The following PRKG1 variants were observed in gnomAD, a reference collection of about 807,000 sequenced individuals.
PRKG1 encodes the protein protein kinase cGMP-dependent 1, also known as cGMP-dependent protein kinase 1.
In PRKG1, 35 loss-of-function variants were observed where a neutral mutation model predicts 88.1. The ratio of observed to expected loss-of-function variants is 0.40; its 90% CI spans 0.30 to 0.53. PRKG1 has a LOEUF of 0.53. Among genes scored for constraint, PRKG1 ranks in the 20% least tolerant of loss-of-function variants. PRKG1 has a pLI of 0.59. For missense variants in PRKG1, 540 were observed against 839.8 expected (o/e 0.64, Z 4.41); for synonymous variants, 303 against 292.5 (o/e 1.04, Z -0.37).
At chr10:51,614,749 A>G (rs542998824) in intron 3 of PRKG1, among the ~76,000 whole-genome samples, 1 of 152,008 alleles carries the variant, frequency 6.6e-6, no homozygotes, top group Admixed American at 6.6e-5. Flanking sequence ...GGTAAATGTC[A>G]TTCTTTTAGA....
chr10:51,086,676 TG>T (rs1182105976), intron 1 of PRKG1, among the ~76,000 whole-genome samples: 1 of 152,154 alleles, frequency 6.6e-6, no homozygotes, highest in Non-Finnish European at 1.5e-5. Context: ...CCAAATTTGG[TG>T]TGCAGACAGG....
intron 8 of PRKG1, among the ~76,000 whole-genome samples, chr10:52,156,850 AT>A (rs1338035004): frequency 1.3e-5 from 2 of 151,826 alleles, no homozygotes; most frequent in South Asian, 4.2e-4. Context: ...TTAAATAAAT[AT>A]TTTTTTAAAA....
In PRKG1 at chr10:51,305,358, T is replaced by C. The variant is rs184073251; in HGVS notation, c.478+152028T>C. ...ATGCCCTTGAATTATATGTATACTT[T>C]TGTGGCTTGACTTACTAACTTTCCT... On this transcript the variant is annotated intron_variant, in intron 2 of 17. Coordinates refer to ENST00000373980, the MANE Select transcript of PRKG1 (RefSeq NM_006258.4). Among the ~76,000 whole-genome samples the C allele has an allele frequency of 9.8e-5, 15 of 152,288 alleles. No homozygotes were observed. In the East Asian group the frequency reaches 2.1e-3, roughly 22 times the overall value.
chr10:51,349,040 G>T (rs61852113), intron 2 of PRKG1, among the ~76,000 whole-genome samples: 4 of 152,176 alleles, frequency 2.6e-5, no homozygotes, highest in Non-Finnish European at 5.9e-5. Flanking sequence ...CCATAAGTCA[G>T]ACCTGGTGTG....
chr10:52,254,256 A>C (rs1841255156), intron 10 of PRKG1, among the ~76,000 whole-genome samples: 1 of 151,794 alleles, frequency 6.6e-6, no homozygotes, highest in South Asian at 2.1e-4. Context: ...CAGAAGTTTT[A>C]CTCTCCTCTG....
chr10:51,250,395 T>C (rs1839397541), intron 2 of PRKG1, among the ~76,000 whole-genome samples: 1 of 151,818 alleles, frequency 6.6e-6, no homozygotes, highest in African/African-American at 2.4e-5. Context: ...GTTTAACCCA[T>C]GGGAAAGTGG....
chr10:52,047,136 G>C (rs1845880228), intron 5 of PRKG1, among the ~76,000 whole-genome samples: 2 of 152,168 alleles, frequency 1.3e-5, no homozygotes, highest in African/African-American at 4.8e-5. Flanking sequence ...ATTAGAAAAA[G>C]TGTTCCAGGA....
intron 7 of PRKG1, among the ~76,000 whole-genome samples, chr10:52,102,668 C>CAACACACCAGAGGATTT (rs1392220112): frequency 2.7e-5 from 4 of 149,830 alleles, no homozygotes; most frequent in Admixed American, 6.7e-5. Context: ...AGCTAACAGA[C>CAACACACCAGAGGATTT]AACACACCAG....
At chr10:52,037,366 C>T (rs1175217180) in intron 5 of PRKG1, among the ~76,000 whole-genome samples, 1 of 152,218 alleles carries the variant, frequency 6.6e-6, no homozygotes, top group African/African-American at 2.4e-5. Context: ...TATTATTGTA[C>T]ACCTTGAAGG....
At chr10:51,888,092 C>T in intron 4 of PRKG1, among the ~76,000 whole-genome samples, 1 of 152,106 alleles carries the variant, frequency 6.6e-6, no homozygotes. Context: ...TTGGAGGTGA[C>T]TATATACTTA....
intron 2 of PRKG1, among the ~76,000 whole-genome samples, chr10:51,255,119 G>C (rs1839523363): frequency 6.6e-6 from 1 of 151,996 alleles, no homozygotes; most frequent in Non-Finnish European, 1.5e-5. Flanking sequence ...TAAGTGCCAA[G>C]TATAAGCAGT....
intron 7 of PRKG1, among the ~76,000 whole-genome samples, chr10:52,116,879 A>G (rs759107654): frequency 6.6e-6 from 1 of 151,994 alleles, no homozygotes; most frequent in Non-Finnish European, 1.5e-5. Context: ...GAACTTAGGT[A>G]TCTGACCCTA....
chr10:51,479,877 G>A (rs1458690480), intron 3 of PRKG1, among the ~76,000 whole-genome samples: 2 of 151,970 alleles, frequency 1.3e-5, no homozygotes, highest in Admixed American at 1.3e-4. Flanking sequence ...GGTTTCTCCC[G>A]ATTTTTGTGA....
In PRKG1 at chr10:51,546,899, A is replaced by T. The variant is rs115582240; in HGVS notation, c.592+79063A>T. The stretch of plus-strand genomic sequence containing the variant: ...CTTTGCCTGCAAATTTTACTCATAG[A>T]TGAAGACAAGGTTAAGTTCTGCCTT... On this transcript the variant is annotated intron_variant, in intron 3 of 17. Coordinates refer to ENST00000373980, the MANE Select transcript of PRKG1 (RefSeq NM_006258.4). 6.2e-3 allele frequency among the ~76,000 whole-genome samples: 938 copies of T among 152,218 alleles called. 11 individuals carry two copies. The highest frequency in any genetic ancestry group is 0.021 in the African/African-American group (863 of 41,556).
chr10:51,893,371 C>G (rs901480690), intron 4 of PRKG1, among the ~76,000 whole-genome samples: 1 of 151,932 alleles, frequency 6.6e-6, no homozygotes, highest in African/African-American at 2.4e-5. Context: ...ATAAATTTGG[C>G]ACCTTTTTTG....
In PRKG1 at chr10:51,591,477, A is replaced by G. The variant is rs138214731; in HGVS notation, c.592+123641A>G. On this transcript the variant is annotated intron_variant, in intron 3 of 17. Transcript: ENST00000373980. ...TTGAGGATTTTCCTCATAGATATCT[A>G]TTCAGTCAGTAAATATGACTGGTTT... Among the ~76,000 whole-genome samples the G allele has an allele frequency of 5.7e-3, 875 of 152,332 alleles. 8 individuals are homozygous for G. Among genetic ancestry groups the G allele is most frequent in the African/African-American group, 0.02 (839 of 41,574 alleles).
chr10:52,249,866 A>G (rs1260258842), intron 9 of PRKG1, among the ~76,000 whole-genome samples: 2 of 152,130 alleles, frequency 1.3e-5, no homozygotes, highest in African/African-American at 4.8e-5. Flanking sequence ...AACCAAAAAA[A>G]CAAGTTTCAC....
chr10:51,313,542 C>T (rs916236850), intron 2 of PRKG1, among the ~76,000 whole-genome samples: 7 of 152,026 alleles, frequency 4.6e-5, no homozygotes, highest in East Asian at 1.9e-4. Context: ...CCTTCCAGCA[C>T]GAGAAAGAAG....
chr10:51,868,027 C>G (rs1453641728), intron 4 of PRKG1, among the ~76,000 whole-genome samples: 1 of 152,016 alleles, frequency 6.6e-6, no homozygotes, highest in Non-Finnish European at 1.5e-5. Flanking sequence ...ATACCAGTGA[C>G]TAGTAAATGA....
Sources: gnomAD v4.1 joint callset for allele counts (sites outside exome capture counted in the v4.1 genomes callset) on GRCh38, gnomAD v4.1.1 for gene constraint, MANE v1.5 for transcripts, NCBI Gene and HGNC (gene_info 2026-07-23, HGNC 2026-07-21) for gene names.